The following CCDC85C variants were observed in gnomAD, a reference collection of about 807,000 sequenced individuals.
CCDC85C encodes coiled-coil domain-containing protein 85C.
Under a neutral mutation model 38.3 loss-of-function variants are expected in CCDC85C, and 18 were observed. That is an observed-to-expected ratio of 0.47 (90% CI 0.33 to 0.70). The LOEUF (loss-of-function observed/expected upper bound fraction) is 0.70. CCDC85C is among the 30% of genes least tolerant of loss of function. The pLI is 0.03. For synonymous variants in CCDC85C, 264 were observed against 293.8 expected, an observed-to-expected ratio of 0.90 and a Z score of 1.04; for missense variants, 566 against 621.2, an observed-to-expected ratio of 0.91 and a Z score of 0.94.
chr14:99,533,721 G>A lies in CCDC85C; in HGVS notation c.867+2294C>T, dbSNP rs550011359. ...CAGGCCTGGGGAGGAAGAGGTCCCT[G>A]GGCAGAGCCAGCCCGTCCATCCTTG... On this transcript the variant is annotated intron_variant, in intron 2 of 5. Coordinates refer to ENST00000380243, the MANE Select transcript of CCDC85C (RefSeq NM_001144995.2). This position sits in a 1 kb window ranked among gnomAD's most constrained non-coding sequence, Gnocchi z 4.2. Among the ~76,000 whole-genome samples the A allele has an allele frequency of 2.6e-5, 4 of 152,316 alleles. No homozygotes were observed. Among genetic ancestry groups the A allele is most frequent in the African/African-American group, 9.6e-5 (4 of 41,582 alleles).
At position 99,501,248 on chromosome 14, in the gene CCDC85C, C is replaced by T. The variant is rs1896818179; in HGVS notation, c.*13998G>A. On this transcript the variant is annotated 3_prime_UTR_variant, in exon 6 of 6. Coordinates refer to ENST00000380243, the MANE Select transcript of CCDC85C (RefSeq NM_001144995.2). ...TTGTTTCCCACGCAAAAGCTCTTTG[C>T]TGTGTATTTGAGTGGTGCTGAACAC... is the stretch of plus-strand genomic sequence containing the variant. The T allele has an allele frequency of 5.4e-6, 4 of 738,628 alleles. No homozygotes were observed. The highest frequency in any genetic ancestry group is 4.6e-5 in the South Asian group (3 of 64,846). The allele number at this position is 738,628 out of a possible 1,614,324, so 45.8% of individuals were successfully genotyped here. A position where few individuals can be genotyped will look rare whatever the true frequency, so the allele number is the denominator to read the frequency against.
At position 99,510,482 on chromosome 14, in the gene CCDC85C, C is replaced by T. The variant is rs1452968030; in HGVS notation, c.*4764G>A. On this transcript the variant is annotated 3_prime_UTR_variant, in exon 6 of 6. Transcript: ENST00000380243. ...ACCACCCCCATGTCTACCCGCCCAA[C>T]CCGCCCCCGCCACCTGTGCCTCCTC... The T allele has an allele frequency of 4.0e-6, 5 of 1,249,056 alleles. No homozygotes were observed. In the South Asian group the frequency reaches 6.7e-5, roughly 17 times the overall value. The allele number at this position is 1,249,056 out of a possible 1,614,324, so 77.4% of individuals were successfully genotyped here.
chr14:99,546,056 A>T (rs954566948), intron 1 of CCDC85C, among the ~76,000 whole-genome samples: 1 of 141,594 alleles, frequency 7.1e-6, no homozygotes, highest in African/African-American at 3.1e-5. Flanking sequence ...TGAAGTCTGC[A>T]TGGGGGGGGG....
chr14:99,515,201 TG>T lies in CCDC85C; in HGVS notation c.*44del. The T allele has an allele frequency of 6.8e-7, 1 of 1,461,288 alleles. No homozygotes were observed. The highest frequency in any genetic ancestry group is 9.3e-7 in the Non-Finnish European group (1 of 1,070,858). The allele number at this position is 1,461,288 out of a possible 1,614,324, so 90.5% of individuals were successfully genotyped here. ...CGTGTCTGGGGCCTGAAACTCCCCC[TG>T]GGGACCCCCAGCAGGGCCAGTCCAC... is the stretch of plus-strand genomic sequence containing the variant. On this transcript the variant is annotated 3_prime_UTR_variant, in exon 6 of 6. Transcript: ENST00000380243.
rs1707023975 is a variant in CCDC85C at position 99,603,640 on chromosome 14, C to A, written c.320G>T (p.Arg107Leu). 6.8e-7 allele frequency: 1 copy of A among 1,473,076 alleles called. No individual in the cohort carries two copies. Among genetic ancestry groups the A allele is most frequent in the Non-Finnish European group, 9.0e-7 (1 of 1,113,006 alleles). 91.3% of individuals were successfully genotyped at this position (1,473,076 alleles called of 1,614,324 possible). Residue 107 changes from arginine (R) to leucine (L), a missense_variant, in exon 1 of 6, where the codon CGC becomes CTC. Transcript: ENST00000380243. The surrounding 1 kb of genome is among the most constrained non-coding windows in gnomAD (Gnocchi z 7.5). ...KGRKLAREWQ[R>L]FGRHAAGAVW... ...GGCGCCGGCCGCGTGGCGCCCGAAG[C>A]GCTGCCACTCGCGCGCCAGCTTGCG...
Position 99,500,889 on chromosome 14 carries a change from A to G in CCDC85C, c.*14357T>C, listed in dbSNP as rs750167304. ...ACTCAAAGGTAAGAAGAAAGTTTTC[A>G]GAAGAATTTTTTCATTCTGAAATCA... On this transcript the variant is annotated 3_prime_UTR_variant, in exon 6 of 6. Transcript: ENST00000380243. 5.0e-6 allele frequency: 7 copies of G among 1,408,336 alleles called. No individual in the cohort carries two copies. The Admixed American group carries it at 1.6e-4, about 33-fold the overall frequency. The allele number at this position is 1,408,336 out of a possible 1,614,324, so 87.2% of individuals were successfully genotyped here. A position where few individuals can be genotyped will look rare whatever the true frequency, so the allele number is the denominator to read the frequency against.
At chr14:99,536,456 C>T (rs916975895) in intron 1 of CCDC85C, among the ~76,000 whole-genome samples, 1 of 152,194 alleles carries the variant, frequency 6.6e-6, no homozygotes, top group Non-Finnish European at 1.5e-5. Flanking sequence ...CCTTCAGCTT[C>T]CAAGATGCTG....
chr14:99,532,492 G>A (rs748303108), intron 2 of CCDC85C, among the ~76,000 whole-genome samples: 1 of 152,220 alleles, frequency 6.6e-6, no homozygotes, highest in Non-Finnish European at 1.5e-5. Context: ...ATACATAGTA[G>A]GTGGTCAGTT....
chr14:99,500,611 C>A lies in CCDC85C; in HGVS notation c.*14635G>T. ...TTCAGAATTTATCAGTGTCTCTGAG[C>A]ATGTTAAAAGTCTGAGTGGGAGAGA... On this transcript the variant is annotated 3_prime_UTR_variant, in exon 6 of 6. Transcript: ENST00000380243. 1 of 622,358 alleles carries A rather than the reference C, an allele frequency of 1.6e-6. No individual in the cohort carries two copies. The highest frequency in any genetic ancestry group is 2.9e-5 in the East Asian group (1 of 34,234). 38.6% of individuals were successfully genotyped at this position (622,358 alleles called of 1,614,324 possible). A position where few individuals can be genotyped will look rare whatever the true frequency, so the allele number is the denominator to read the frequency against.
chr14:99,540,239 C>T (rs1052104541), intron 1 of CCDC85C, among the ~76,000 whole-genome samples: 8 of 152,198 alleles, frequency 5.3e-5, no homozygotes, highest in Admixed American at 2.6e-4. Flanking sequence ...AACCCACCAC[C>T]CTGACCCTCT....
chr14:99,523,961 G>A (rs138455489), intron 2 of CCDC85C, among the ~76,000 whole-genome samples: 1,581 of 149,926 alleles, frequency 0.011, 20 homozygotes, highest in Non-Finnish European at 0.014. Context: ...AGAGGAAGAG[G>A]CTACAGCCCC....
rs1328333241 is a variant in CCDC85C, at chr14:99,511,652, A to T, written c.*3594T>A. 5.2e-5 allele frequency: 8 copies of T among 152,496 alleles called. No individual in the cohort carries two copies. The highest frequency in any genetic ancestry group is 5.2e-4 in the Admixed American group (8 of 15,302). 9.4% of individuals were successfully genotyped at this position (152,496 alleles called of 1,614,324 possible). A position where few individuals can be genotyped will look rare whatever the true frequency, so the allele number is the denominator to read the frequency against. On this transcript the variant is annotated 3_prime_UTR_variant, in exon 6 of 6. Coordinates refer to ENST00000380243, the MANE Select transcript of CCDC85C (RefSeq NM_001144995.2). ...CTGCAGCTCACAGCAGCCACAGCCAACCCCACTGCCTCCCAAGGCACTCTG... is the reference window on the plus strand; with the variant it reads ...CTGCAGCTCACAGCAGCCACAGCCATCCCCACTGCCTCCCAAGGCACTCTG...
chr14:99,587,678 G>T (rs2139983015), intron 1 of CCDC85C, among the ~76,000 whole-genome samples: 1 of 152,286 alleles, frequency 6.6e-6, no homozygotes, highest in South Asian at 2.1e-4. Flanking sequence ...AAGCACCTGA[G>T]GGCAGCCACG....
At chr14:99,574,637 C>CGGAGA (rs1898433305) in intron 1 of CCDC85C, among the ~76,000 whole-genome samples, 1 of 152,156 alleles carries the variant, frequency 6.6e-6, no homozygotes, top group Non-Finnish European at 1.5e-5. Flanking sequence ...AAGGGGAGAG[C>CGGAGA]GGAGAGGAGA....
rs542142321 is a variant in CCDC85C, at chr14:99,572,816, G to C, written c.793+30351C>G. 1.5e-3 allele frequency: 679 copies of C among 456,118 alleles called. No individual in the cohort carries two copies. Among genetic ancestry groups the C allele is most frequent in the Admixed American group, 2.9e-3 (124 of 42,584 alleles). The allele number at this position is 456,118 out of a possible 1,614,324, so 28.3% of individuals were successfully genotyped here. ...GTCTTGCTTCATGGAAGTATCCCAG[G>C]AGCATGGAAACGGGGCCTGGTGTGC... On this transcript the variant is annotated intron_variant, in intron 1 of 5. Transcript: ENST00000380243. The surrounding 1 kb of genome is among the most constrained non-coding windows in gnomAD (Gnocchi z 4.4).
At chr14:99,546,345 G>A in intron 1 of CCDC85C, among the ~76,000 whole-genome samples, 1 of 152,098 alleles carries the variant, frequency 6.6e-6, no homozygotes, top group Non-Finnish European at 1.5e-5. Flanking sequence ...CACATGCAGA[G>A]GTGGGAGGTG....
At chr14:99,568,110 C>T (rs1898254776) in intron 1 of CCDC85C, among the ~76,000 whole-genome samples, 1 of 152,004 alleles carries the variant, frequency 6.6e-6, no homozygotes. Flanking sequence ...GCAGGAGGGG[C>T]TCAGGCTGGT....
chr14:99,530,228 G>A (rs1359043639), intron 2 of CCDC85C, among the ~76,000 whole-genome samples: 2 of 152,222 alleles, frequency 1.3e-5, no homozygotes, highest in African/African-American at 4.8e-5. Flanking sequence ...TTCATTGGCT[G>A]GAAGGCTGGA....
chr14:99,548,068 A>T lies in CCDC85C; in HGVS notation c.794-11980T>A, dbSNP rs1335993253. On this transcript the variant is annotated intron_variant, in intron 1 of 5. Coordinates refer to ENST00000380243, the MANE Select transcript of CCDC85C (RefSeq NM_001144995.2). The surrounding 1 kb of genome is among the most constrained non-coding windows in gnomAD (Gnocchi z 4.9). ...AACAAAAAGAACAAACCATGAAGGG[A>T]ACGACCGTGAAACCCGACTATATGA... 6.6e-6 allele frequency among the ~76,000 whole-genome samples: 1 copy of T among 152,154 alleles called. No homozygotes were observed. The highest frequency in any genetic ancestry group is 1.5e-5 in the Non-Finnish European group (1 of 68,030).
Sources: allele counts gnomAD v4.1 joint callset (sites outside exome capture counted in the v4.1 genomes callset), GRCh38; gene constraint gnomAD v4.1.1; non-coding constraint Gnocchi (gnomAD v3.1); transcripts MANE v1.5; gene names NCBI Gene and HGNC (gene_info 2026-07-23, HGNC 2026-07-21).